LARGE1: variants seen among roughly 807,000 people sequenced by gnomAD.
LARGE1 encodes the protein LARGE xylosyl- and glucuronyltransferase 1.
LARGE1 carries 43 observed loss-of-function variants against 87.6 expected under a neutral mutation model. That is an observed-to-expected ratio of 0.49 (90% CI 0.38 to 0.63). The LOEUF is 0.63. LARGE1 is among the 30% of genes least tolerant of loss of function. The pLI is 0.00. For missense variants in LARGE1, 802 were observed against 1,000.2 expected (o/e 0.80, Z 2.67); for synonymous variants, 434 against 394.6 (o/e 1.10, Z -1.18).
intron 1 of LARGE1, among the ~76,000 whole-genome samples, chr22:33,769,361 T>A (rs1205774548): frequency 4.6e-5 from 7 of 152,190 alleles, no homozygotes; most frequent in Non-Finnish European, 1.0e-4. Context: ...TCGTATTGTT[T>A]CCTTTACGGT....
intron 1 of LARGE1, among the ~76,000 whole-genome samples, chr22:33,824,024 T>C (rs2062710946): frequency 6.6e-6 from 1 of 152,198 alleles, no homozygotes; most frequent in East Asian, 1.9e-4. Context: ...TATTATCCCA[T>C]CACATCCTTA....
At chr22:33,585,111 C>T (rs1378166482) in intron 5 of LARGE1, among the ~76,000 whole-genome samples, 2 of 152,118 alleles carry the variant, frequency 1.3e-5, no homozygotes, top group African/African-American at 2.4e-5. Flanking sequence ...AGCAAGACTT[C>T]GTCTCAATAA....
intron 2 of LARGE1, among the ~76,000 whole-genome samples, chr22:33,741,297 C>G (rs1015810264): frequency 6.6e-6 from 1 of 152,154 alleles, no homozygotes; most frequent in Non-Finnish European, 1.5e-5. Context: ...GTTAAAAATG[C>G]AAATTAAGTG....
chr22:33,905,744 T>C (rs1162783449), intron 1 of LARGE1, among the ~76,000 whole-genome samples: 1 of 152,172 alleles, frequency 6.6e-6, no homozygotes, highest in Admixed American at 6.5e-5. Flanking sequence ...TTTCAAATAG[T>C]CCCTTTGTTA....
chr22:33,403,395 G>A (rs1241697986), intron 7 of LARGE1, among the ~76,000 whole-genome samples: 4 of 152,186 alleles, frequency 2.6e-5, no homozygotes, highest in Non-Finnish European at 4.4e-5. Flanking sequence ...TCATCCTGAA[G>A]GACTAAGTTG....
chr22:33,880,370 A>T (rs2064640069), intron 1 of LARGE1, among the ~76,000 whole-genome samples: 1 of 152,200 alleles, frequency 6.6e-6, no homozygotes, highest in South Asian at 2.1e-4. Flanking sequence ...TCTCATTTGA[A>T]CATTCTAACT....
At chr22:33,299,258 G>C (rs901931889) in intron 12 of LARGE1, among the ~76,000 whole-genome samples, 8 of 149,754 alleles carry the variant, frequency 5.3e-5, no homozygotes, top group African/African-American at 2.0e-4. Flanking sequence ...AATGAGAAAA[G>C]AGAGAAAAAG....
At position 33,712,074 on chromosome 22, in the gene LARGE1, A is replaced by G. The variant is rs556211296; in HGVS notation, c.106+49297T>C. On this transcript the variant is annotated intron_variant, in intron 2 of 14. Transcript: ENST00000397394. ...TGCCATTTTATAAAGGCAGAAGTCC[A>G]GAAAAGTGGAGTAACTTGTCCCAAC... Among the ~76,000 whole-genome samples, 27 of 152,348 alleles carry G rather than the reference A, an allele frequency of 1.8e-4. 1 individual carries two copies. The South Asian group carries it at 5.0e-3, about 28-fold the overall frequency.
chr22:33,089,810 T>C, the LARGE1 span, among the ~76,000 whole-genome samples: 4 of 152,104 alleles, frequency 2.6e-5, no homozygotes, highest in African/African-American at 7.2e-5. Context: ...TTCTGCTTCT[T>C]TATGTAGCCT....
chr22:33,558,728 C>T (rs1412374881), intron 6 of LARGE1, among the ~76,000 whole-genome samples: 2 of 152,266 alleles, frequency 1.3e-5, no homozygotes, highest in Non-Finnish European at 2.9e-5. Flanking sequence ...AAAACTCCTT[C>T]GAGGCAACTG....
intron 1 of LARGE1, among the ~76,000 whole-genome samples, chr22:33,890,574 T>C (rs1030860236): frequency 3.3e-5 from 5 of 152,200 alleles, no homozygotes; most frequent in African/African-American, 1.2e-4. Context: ...TGCTGGAGTC[T>C]GAGTCAAGTT....
chr22:33,297,797 T>C lies in LARGE1; in HGVS notation c.1730+6432A>G, dbSNP rs1933527350. 2.0e-5 allele frequency among the ~76,000 whole-genome samples: 3 copies of C among 151,430 alleles called. 1 individual carries two copies. Among genetic ancestry groups the C allele is most frequent in the Admixed American group, 2.0e-4 (3 of 15,198 alleles). On this transcript the variant is annotated intron_variant, in intron 12 of 14. Coordinates refer to ENST00000397394, the MANE Select transcript of LARGE1 (RefSeq NM_133642.5). ...GAGTTCAAGACCAGCCTGGCCAACA[T>C]GGTGAAACCCTGTCTCTACTAAAAA...
chr22:33,780,405 G>T (rs1323755896), intron 1 of LARGE1, among the ~76,000 whole-genome samples: 1 of 151,544 alleles, frequency 6.6e-6, no homozygotes, highest in Non-Finnish European at 1.5e-5. Flanking sequence ...AGTTCCACGG[G>T]GTCAGTGATA....
chr22:33,590,458 A>G (rs538063245), intron 5 of LARGE1, among the ~76,000 whole-genome samples: 2 of 152,340 alleles, frequency 1.3e-5, no homozygotes, highest in African/African-American at 4.8e-5. Context: ...TTTTAAACGT[A>G]CAGTTCAATT....
At chr22:33,140,059 T>A in the LARGE1 span, among the ~76,000 whole-genome samples, 1 of 152,096 alleles carries the variant, frequency 6.6e-6, no homozygotes, top group Admixed American at 6.6e-5. Flanking sequence ...GTGGGAGAGG[T>A]TAGAGCCCCA....
At chr22:33,540,178 A>G (rs560065723) in intron 6 of LARGE1, among the ~76,000 whole-genome samples, 17 of 152,330 alleles carry the variant, frequency 1.1e-4, no homozygotes, top group Middle Eastern at 3.4e-3. Flanking sequence ...CAACTACACT[A>G]ATGAGTCAAG....
intron 1 of LARGE1, among the ~76,000 whole-genome samples, chr22:33,804,031 T>C (rs960230030): frequency 2.3e-4 from 35 of 152,312 alleles, no homozygotes; most frequent in African/African-American, 8.4e-4. Flanking sequence ...AACTGTCTTC[T>C]GTACTCTCTT....
chr22:33,724,558 G>C (rs1318551459), intron 2 of LARGE1, among the ~76,000 whole-genome samples: 2 of 152,192 alleles, frequency 1.3e-5, no homozygotes, highest in Non-Finnish European at 2.9e-5. Context: ...GAAGGGAAGA[G>C]TTGATATAAT....
intron 9 of LARGE1, among the ~76,000 whole-genome samples, chr22:33,351,041 C>G (rs1429624804): frequency 6.6e-6 from 1 of 152,194 alleles, no homozygotes; most frequent in East Asian, 1.9e-4. Context: ...CACGTTTTGC[C>G]TGAAATGACA....
Sources: gnomAD v4.1 joint callset for allele counts (sites outside exome capture counted in the v4.1 genomes callset) on GRCh38, gnomAD v4.1.1 for gene constraint, MANE v1.5 for transcripts, NCBI Gene and HGNC (gene_info 2026-07-23, HGNC 2026-07-21) for gene names.